Variants in INO80 observed in about 807,000 individuals in gnomAD.
INO80 encodes the protein INO80 complex ATPase subunit, also known as chromatin-remodeling ATPase INO80.
INO80 carries 20 observed loss-of-function variants against 203.4 expected under a neutral mutation model. That is an observed-to-expected ratio of 0.10 (90% CI 0.07 to 0.14). The LOEUF (loss-of-function observed/expected upper bound fraction) is 0.14. Among genes scored for constraint, INO80 ranks in the 10% least tolerant of loss-of-function variants. The pLI is 1.00. For missense variants in INO80, 1,419 were observed against 1,914.4 expected, an observed-to-expected ratio of 0.74 and a Z score of 4.83; for synonymous variants, 726 against 685.2, an observed-to-expected ratio of 1.06 and a Z score of -0.93.
In INO80 at chr15:41,048,198, A is replaced by T. The variant is rs1350032162; in HGVS notation, c.2641+14T>A. The T allele has an allele frequency of 3.1e-6, 5 of 1,605,664 alleles. No homozygotes were observed. The highest frequency in any genetic ancestry group is 4.3e-6 in the Non-Finnish European group (5 of 1,173,292). ...CCCTGACAAACCTACTTTCCCAAAG[A>T]TCAAAACACCTACCTTTTCTGTGAA... On this transcript the variant is annotated intron_variant, in intron 22 of 35. Coordinates refer to ENST00000648947, the MANE Select transcript of INO80 (RefSeq NM_017553.3).
intron 1 of INO80, chr15:41,109,057 G>T: frequency 5.9e-6 from 1 of 169,762 alleles, no homozygotes; most frequent in South Asian, 1.5e-4. Context: ...AGGATACACT[G>T]ATACAGTATT....
chr15:41,053,246 C>T (rs1202107595), intron 19 of INO80, among the ~76,000 whole-genome samples: 2 of 152,188 alleles, frequency 1.3e-5, no homozygotes, highest in Non-Finnish European at 2.9e-5. Context: ...ACTGGGACTA[C>T]AGGCGCCTGC....
chr15:40,993,274 GT>G (rs533067661), intron 29 of INO80, among the ~76,000 whole-genome samples: 34 of 148,428 alleles, frequency 2.3e-4, no homozygotes, highest in African/African-American at 3.4e-4. Flanking sequence ...AATCTGCTTA[GT>G]TTTTTTTTTT....
Position 41,071,855 on chromosome 15 carries a change from A to G in INO80, c.1599T>C (p.Tyr533=), listed in dbSNP as rs2045323604. 6.2e-7 allele frequency: 1 copy of G among 1,611,838 alleles called. No homozygotes were observed. The highest frequency in any genetic ancestry group is 1.7e-5 in the Admixed American group (1 of 59,956). Residue 533 remains tyrosine (Y), a synonymous_variant, in exon 12 of 36, where the codon TAT becomes TAC. Coordinates refer to ENST00000648947, the MANE Select transcript of INO80 (RefSeq NM_017553.3). ...ACACGGTTCTAAAATTCACCTGTTCATATAGATTGGCCAACCAATTCATGC... is the reference window on the plus strand; with the variant it reads ...ACACGGTTCTAAAATTCACCTGTTCGTATAGATTGGCCAACCAATTCATGC... ...LKGMNWLANL[Y]EQGINGILAD...
intron 24 of INO80, among the ~76,000 whole-genome samples, chr15:41,043,248 A>G (rs555547668): frequency 6.6e-6 from 1 of 152,356 alleles, no homozygotes; most frequent in East Asian, 1.9e-4. Context: ...TGCTTTTTGT[A>G]TAAAAAGCAG....
rs1205932520 is a variant in INO80 at position 41,046,202 on chromosome 15, C to CATATATAT, written c.2736-1128_2736-1127insATATATAT. On this transcript the variant is annotated intron_variant, in intron 23 of 35. Transcript: ENST00000648947. ...CTGTGTGTGTCTCTGTGTGCGTATACATACATATATATATATATATATATA... is the reference window on the plus strand; with the variant it reads ...CTGTGTGTGTCTCTGTGTGCGTATACATATATATATACATATATATATATATATATATA... Among the ~76,000 whole-genome samples the CATATATAT allele has an allele frequency of 2.6e-3, 287 of 109,416 alleles. 52 individuals are homozygous for CATATATAT. Among genetic ancestry groups the CATATATAT allele is most frequent in the South Asian group, 3.4e-3 (11 of 3,258 alleles). The allele number at this position is 109,416 out of a possible 152,430, so 71.8% of individuals were successfully genotyped here. A position where few individuals can be genotyped will look rare whatever the true frequency, so the allele number is the denominator to read the frequency against.
intron 29 of INO80, among the ~76,000 whole-genome samples, chr15:40,989,883 G>A (rs549935156): frequency 6.6e-6 from 1 of 152,204 alleles, no homozygotes; most frequent in Non-Finnish European, 1.5e-5. Flanking sequence ...ACCTCTTATT[G>A]CTCAAGCTGT....
At position 40,987,916 on chromosome 15, in the gene INO80, G is replaced by A. The variant is rs753055236; in HGVS notation, c.3629C>T (p.Ala1210Val). 1 of 1,613,928 alleles carries A rather than the reference G, an allele frequency of 6.2e-7. No individual in the cohort carries two copies. Residue 1210 changes from alanine (A) to valine (V), a missense_variant, in exon 30 of 36, where the codon GCC becomes GTC. Ala to Val is a moderately conservative substitution (Grantham distance 64). Coordinates refer to ENST00000648947, the MANE Select transcript of INO80 (RefSeq NM_017553.3). ...CTGCTTTGTCTGCCCTAAGCGGTGG[G>A]CCCTGTCCATGGCCTGCTGGTCCAC... The part of the protein sequence containing the change: ...PTVDQQAMDR[A>V]HRLGQTKQVT...
intron 14 of INO80, among the ~76,000 whole-genome samples, chr15:41,068,498 T>C (rs2045258622): frequency 1.3e-5 from 2 of 151,334 alleles, no homozygotes; most frequent in African/African-American, 2.4e-5. Context: ...GAGGCAAAGG[T>C]TGCGGTGAGC....
rs777562396 is a variant in INO80 at position 40,983,936 on chromosome 15, G to A, written c.4078-15C>T. 17 of 1,611,910 alleles carry A rather than the reference G, an allele frequency of 1.1e-5. No individual in the cohort carries two copies. The Admixed American group carries it at 2.3e-4, about 22-fold the overall frequency. On this transcript the variant is annotated splice_polypyrimidine_tract_variant and intron_variant, in intron 33 of 35. Transcript: ENST00000648947. ...CTGATGGAGATCTAGAAGAGGAAGG[G>A]TTAAGATCATTACGACCCCCTGTGC...
At chr15:41,028,237 G>A (rs2044406224) in intron 24 of INO80, among the ~76,000 whole-genome samples, 1 of 151,968 alleles carries the variant, frequency 6.6e-6, no homozygotes, top group Non-Finnish European at 1.5e-5. Flanking sequence ...CCAGATTCAA[G>A]CTATTCTCAT....
At chr15:41,018,007 C>A (rs1352591882) in intron 26 of INO80, 2 of 152,142 alleles carry the variant, frequency 1.3e-5, no homozygotes, top group Non-Finnish European at 2.9e-5. Context: ...CACAATTACC[C>A]TTCTCCAGTA....
intron 29 of INO80, among the ~76,000 whole-genome samples, chr15:40,995,597 C>A (rs1332111798): frequency 6.6e-6 from 1 of 152,076 alleles, no homozygotes; most frequent in Non-Finnish European, 1.5e-5. Flanking sequence ...TAACAGAGTA[C>A]CAGCATAGCA....
intron 1 of INO80, among the ~76,000 whole-genome samples, chr15:41,097,578 T>C (rs1048724494): frequency 6.6e-6 from 1 of 151,456 alleles, no homozygotes; most frequent in Admixed American, 6.6e-5. Flanking sequence ...GTTCAAGTGA[T>C]TCTCCTGCCT....
At chr15:40,995,297 G>A (rs1020310501) in intron 29 of INO80, among the ~76,000 whole-genome samples, 3 of 152,190 alleles carry the variant, frequency 2.0e-5, no homozygotes, top group Non-Finnish European at 4.4e-5. Flanking sequence ...GGGTTTTAAA[G>A]AACAAACAGA....
intron 35 of INO80, among the ~76,000 whole-genome samples, chr15:40,982,480 G>A (rs796502132): frequency 2.4e-4 from 37 of 152,300 alleles, no homozygotes; most frequent in African/African-American, 8.9e-4. Flanking sequence ...TGCAGCAGGT[G>A]CCTCATATCT....
Position 41,085,374 on chromosome 15 carries a change from G to T in INO80, c.868C>A (p.Pro290Thr). 3 of 1,613,830 alleles carry T rather than the reference G, an allele frequency of 1.9e-6. No individual in the cohort carries two copies. Among genetic ancestry groups the T allele is most frequent in the Non-Finnish European group, 2.5e-6 (3 of 1,179,826 alleles). ...VWLSIVKKEL[P>T]KANKQKASAR... ...TCCTGGAGGCATTCACTTACCTTTG[G>T]TAGTTCCTTTTTCACAATGCTGAGC... Residue 290 changes from proline (P) to threonine (T), a missense_variant, in exon 7 of 36, where the codon CCA becomes ACA. Around this residue, in one of 9 missense-constraint regions of INO80, gnomAD observed 87 missense variants for 150.5 expected, o/e 0.58. Coordinates refer to ENST00000648947, the MANE Select transcript of INO80 (RefSeq NM_017553.3).
In INO80 at chr15:41,053,911, GAGGTCTTCTTT is replaced by G. The variant is rs1289464719; in HGVS notation, c.2274+7_2274+17del. The G allele has an allele frequency of 6.3e-7, 1 of 1,593,426 alleles. No homozygotes were observed. Among genetic ancestry groups the G allele is most frequent in the Non-Finnish European group, 8.6e-7 (1 of 1,161,762 alleles). ...GGTGCCTATTGAGGCTTAAACACATGAGGTCTTCTTTACTTACCTTGTCAGATAATTCATTT... is the reference window on the plus strand; with the variant it reads ...GGTGCCTATTGAGGCTTAAACACATGACTTACCTTGTCAGATAATTCATTT... On this transcript the variant is annotated splice_region_variant and intron_variant, in intron 19 of 35. Coordinates refer to ENST00000648947, the MANE Select transcript of INO80 (RefSeq NM_017553.3).
intron 25 of INO80, among the ~76,000 whole-genome samples, chr15:41,021,896 A>C (rs1218371383): frequency 6.6e-6 from 1 of 152,248 alleles, no homozygotes; most frequent in African/African-American, 2.4e-5. Context: ...TTCTTTGGCT[A>C]TCTGGGTTTA....
Sources: allele counts gnomAD v4.1 joint callset (sites outside exome capture counted in the v4.1 genomes callset), GRCh38; gene constraint gnomAD v4.1.1; regional missense constraint gnomAD v4.1.1; transcripts MANE v1.5; gene names NCBI Gene and HGNC (gene_info 2026-07-23, HGNC 2026-07-21).